Variants in ERC2 observed in about 807,000 individuals in gnomAD.
The protein encoded by ERC2 is ELKS/RAB6-interacting/CAST family member 2.
ERC2 carries 42 observed loss-of-function variants against 114.8 expected under a neutral mutation model. The ratio of observed to expected loss-of-function variants is 0.37; its 90% confidence interval spans 0.29 to 0.47. The LOEUF (loss-of-function observed/expected upper bound fraction) is 0.47. ERC2 is among the 20% of genes least tolerant of loss of function. The pLI is 0.99. For synonymous variants in ERC2, 454 were observed against 425.5 expected (o/e 1.07, Z -0.82); for missense variants, 939 against 1,150.7 (o/e 0.82, Z 2.66).
At chr3:56,381,748 G>A (rs1370579669) in intron 2 of ERC2, among the ~76,000 whole-genome samples, 3 of 148,522 alleles carry the variant, frequency 2.0e-5, no homozygotes, top group African/African-American at 7.4e-5. Context: ...AAAGTAAGGT[G>A]GAAAAAGAAA....
intron 14 of ERC2, among the ~76,000 whole-genome samples, chr3:55,801,029 G>C (rs1287158495): frequency 2.0e-5 from 3 of 152,168 alleles, no homozygotes; most frequent in African/African-American, 7.2e-5. Flanking sequence ...TGCTGCTGTA[G>C]CACTAGGTTC....
chr3:56,174,233 A>G (rs2082846110), intron 3 of ERC2, among the ~76,000 whole-genome samples: 1 of 152,230 alleles, frequency 6.6e-6, no homozygotes, highest in African/African-American at 2.4e-5. Flanking sequence ...AGCAAACAAC[A>G]TAATTACAAC....
At chr3:55,537,332 C>A (rs558159658) in intron 17 of ERC2, among the ~76,000 whole-genome samples, 7 of 152,304 alleles carry the variant, frequency 4.6e-5, no homozygotes, top group East Asian at 1.9e-4. Context: ...GGTTTCCCCC[C>A]CTGAAGTGAC....
intron 2 of ERC2, among the ~76,000 whole-genome samples, chr3:56,417,014 G>T (rs2061190258): frequency 6.6e-6 from 1 of 152,206 alleles, no homozygotes; most frequent in Admixed American, 6.6e-5. Context: ...AACTATTGAA[G>T]TGTCATTATA....
chr3:56,233,784 G>A (rs1036812887), intron 3 of ERC2, among the ~76,000 whole-genome samples: 12 of 152,092 alleles, frequency 7.9e-5, no homozygotes, highest in Admixed American at 2.6e-4. Context: ...GAGGTGGCCC[G>A]TATTGCTTGG....
At chr3:56,447,787 G>A (rs1429532225) in intron 1 of ERC2, among the ~76,000 whole-genome samples, 1 of 151,708 alleles carries the variant, frequency 6.6e-6, no homozygotes, top group Non-Finnish European at 1.5e-5. Context: ...CTGCCACCCA[G>A]GCTGGAGTGC....
At chr3:56,345,550 G>A (rs1268055154) in intron 2 of ERC2, among the ~76,000 whole-genome samples, 1 of 152,212 alleles carries the variant, frequency 6.6e-6, no homozygotes, top group Non-Finnish European at 1.5e-5. Flanking sequence ...CTGCAGAGGT[G>A]AGGCTAGATT....
rs1298632357 is a variant in ERC2, at chr3:56,037,349, G to A, written c.1642-18318C>T. ...TGAATGAGAATAACCGGTTTAGAGA[G>A]GAACATAAATGACTTGATAGAGCTG... is the stretch of plus-strand genomic sequence containing the variant. On this transcript the variant is annotated intron_variant, in intron 7 of 17. Coordinates refer to ENST00000288221, the MANE Select transcript of ERC2 (RefSeq NM_015576.3). 2.0e-5 allele frequency among the ~76,000 whole-genome samples: 3 copies of A among 152,122 alleles called. 1 individual carries two copies. Among genetic ancestry groups the A allele is most frequent in the South Asian group, 4.1e-4 (2 of 4,830 alleles).
chr3:56,231,428 A>AATCGCAAC lies in ERC2; in HGVS notation c.1075-57916_1075-57909dup, dbSNP rs1176355709. ...CCTTCCAATTCATCTTTTCCAGTCAAATCGCAACACATTATCTGAGACCTG... is the reference window on the plus strand; with the variant it reads ...CCTTCCAATTCATCTTTTCCAGTCAAATCGCAACATCGCAACACATTATCTGAGACCTG... On this transcript the variant is annotated intron_variant, in intron 3 of 17. Coordinates refer to ENST00000288221, the MANE Select transcript of ERC2 (RefSeq NM_015576.3). Among the ~76,000 whole-genome samples, 4 of 152,184 alleles carry AATCGCAAC rather than the reference A, an allele frequency of 2.6e-5. No homozygotes were observed. In the East Asian group the frequency reaches 7.7e-4, roughly 29 times the overall value.
At chr3:56,404,460 A>C (rs1023185645) in intron 2 of ERC2, among the ~76,000 whole-genome samples, 1 of 152,190 alleles carries the variant, frequency 6.6e-6, no homozygotes. Flanking sequence ...GAAGATATGC[A>C]GGGCATTAGT....
intron 13 of ERC2, among the ~76,000 whole-genome samples, chr3:55,946,496 T>TAA (rs901315944): frequency 6.6e-5 from 10 of 152,218 alleles, no homozygotes; most frequent in African/African-American, 2.4e-4. Context: ...CTTCTATGAC[T>TAA]AAAAGCTCAT....
At chr3:56,091,312 T>G (rs1211034080) in intron 6 of ERC2, among the ~76,000 whole-genome samples, 2 of 151,892 alleles carry the variant, frequency 1.3e-5, no homozygotes, top group African/African-American at 4.8e-5. Flanking sequence ...GGAAGGAAGA[T>G]ATCAAAGAAG....
intron 3 of ERC2, among the ~76,000 whole-genome samples, chr3:56,209,218 C>A (rs183745476): frequency 1.3e-5 from 2 of 152,246 alleles, no homozygotes; most frequent in Admixed American, 1.3e-4. Context: ...CATTCATACC[C>A]TTCCTTGTCT....
intron 12 of ERC2, among the ~76,000 whole-genome samples, chr3:55,951,125 G>A (rs1427090051): frequency 1.3e-5 from 2 of 152,222 alleles, no homozygotes; most frequent in African/African-American, 4.8e-5. Flanking sequence ...GGGAAGGGTG[G>A]ATGTGGGTGG....
At chr3:56,139,388 T>C (rs1211757377) in intron 6 of ERC2, 121 bp downstream of exon 6, 10 of 948,916 alleles carry the variant, frequency 1.1e-5, no homozygotes, top group Non-Finnish European at 1.5e-5. Context: ...AAATATGAAT[T>C]TCAAAATACA....
intron 14 of ERC2, among the ~76,000 whole-genome samples, chr3:55,801,695 G>A (rs752688127): frequency 6.6e-6 from 1 of 152,210 alleles, no homozygotes; most frequent in Admixed American, 6.5e-5. Context: ...CTGGAAGTAG[G>A]ACTGGCTATA....
At chr3:56,088,434 C>T (rs958824813) in intron 6 of ERC2, among the ~76,000 whole-genome samples, 13 of 152,086 alleles carry the variant, frequency 8.5e-5, no homozygotes, top group Non-Finnish European at 1.8e-4. Context: ...GGACCTTCAA[C>T]TTCCCTTCTC....
chr3:56,271,601 T>A (rs1244127157), intron 3 of ERC2, among the ~76,000 whole-genome samples: 1 of 152,186 alleles, frequency 6.6e-6, no homozygotes, highest in Non-Finnish European at 1.5e-5. Flanking sequence ...ATCTCCATCA[T>A]CATTATTTTT....
intron 7 of ERC2, among the ~76,000 whole-genome samples, chr3:56,074,187 T>C (rs1350327349): frequency 6.6e-6 from 1 of 152,094 alleles, no homozygotes; most frequent in African/African-American, 2.4e-5. Context: ...AACACCAGAA[T>C]AGTGTGGTGG....
Sources: allele counts gnomAD v4.1 joint callset (sites outside exome capture counted in the v4.1 genomes callset), GRCh38; gene constraint gnomAD v4.1.1; transcripts MANE v1.5; gene names NCBI Gene and HGNC (gene_info 2026-07-23, HGNC 2026-07-21).